Variants in ARHGAP42 observed in about 807,000 individuals in gnomAD.
The protein encoded by ARHGAP42 is rho GTPase-activating protein 42.
A neutral mutation model predicts 125.0 loss-of-function variants in ARHGAP42; 63 were observed. That is an observed-to-expected ratio of 0.50 (90% confidence interval 0.41 to 0.62). The LOEUF is 0.62. Among genes scored for constraint, ARHGAP42 ranks in the 20% least tolerant of loss-of-function variants. The pLI, the probability that ARHGAP42 is intolerant of heterozygous loss-of-function variation, is 0.00. For synonymous variants in ARHGAP42, 339 were observed against 351.0 expected (o/e 0.97, Z 0.38); for missense variants, 766 against 1,024.2 (o/e 0.75, Z 3.44).
At chr11:100,766,222 G>T (rs891147465) in intron 1 of ARHGAP42, among the ~76,000 whole-genome samples, 5 of 149,186 alleles carry the variant, frequency 3.4e-5, no homozygotes, top group Non-Finnish European at 5.9e-5. Flanking sequence ...AAGGATGTGG[G>T]GTGTGTGTGT....
At chr11:100,779,542 A>ATATATACGTATACATACGTATATATACG (rs1554996510) in intron 2 of ARHGAP42, among the ~76,000 whole-genome samples, 1 of 42,302 alleles carries the variant, frequency 2.4e-5, no homozygotes, top group Admixed American at 3.6e-4. Context: ...ATATATACGT[A>ATATATACGTATACATACGTATATATACG]TATATATACA....
chr11:100,958,794 G>A (rs1857877501), intron 12 of ARHGAP42, among the ~76,000 whole-genome samples: 1 of 151,906 alleles, frequency 6.6e-6, no homozygotes, highest in South Asian at 2.1e-4. Flanking sequence ...CTTCATAGTA[G>A]TACCTCTAGT....
chr11:100,714,433 C>T (rs899351649), intron 1 of ARHGAP42, among the ~76,000 whole-genome samples: 5 of 150,590 alleles, frequency 3.3e-5, no homozygotes, highest in African/African-American at 1.2e-4. Context: ...ATTTGAGATA[C>T]TTCAGTGCTG....
rs200483287 is a variant in ARHGAP42, at chr11:100,903,739, T to A, written c.385-9713T>A. 2.5e-4 allele frequency among the ~76,000 whole-genome samples: 27 copies of A among 108,878 alleles called. 1 individual carries two copies. The highest frequency in any genetic ancestry group is 5.7e-4 in the South Asian group (2 of 3,498). 71.4% of individuals were successfully genotyped at this position (108,878 alleles called of 152,430 possible). ...ATATATATATATATATATATATATA[T>A]ATATATATATATATATGTATGTAAA... is the stretch of plus-strand genomic sequence containing the variant. On this transcript the variant is annotated intron_variant, in intron 4 of 23. Coordinates refer to ENST00000298815, the MANE Select transcript of ARHGAP42 (RefSeq NM_152432.4).
intron 1 of ARHGAP42, among the ~76,000 whole-genome samples, chr11:100,693,654 T>C (rs966547271): frequency 5.3e-5 from 8 of 152,158 alleles, no homozygotes; most frequent in Non-Finnish European, 1.0e-4. Context: ...AGAGAATGGG[T>C]TGCTGTCAGA....
At chr11:100,830,856 C>A (rs1174661855) in intron 3 of ARHGAP42, among the ~76,000 whole-genome samples, 1 of 151,942 alleles carries the variant, frequency 6.6e-6, no homozygotes, top group Non-Finnish European at 1.5e-5. Flanking sequence ...TGGTGGGCAC[C>A]ACGGTTACTA....
intron 11 of ARHGAP42, among the ~76,000 whole-genome samples, chr11:100,949,380 A>G (rs1239725714): frequency 6.6e-6 from 1 of 152,110 alleles, no homozygotes; most frequent in Non-Finnish European, 1.5e-5. Flanking sequence ...GGAACTCTGC[A>G]TTGATTTTTT....
At position 100,948,441 on chromosome 11, in the gene ARHGAP42, A is replaced by C; in HGVS notation, c.1044-16A>C. The C allele has an allele frequency of 1.3e-6, 2 of 1,510,660 alleles. No individual in the cohort carries two copies. Among genetic ancestry groups the C allele is most frequent in the Non-Finnish European group, 1.8e-6 (2 of 1,124,766 alleles). The allele number at this position is 1,510,660 out of a possible 1,614,324, so 93.6% of individuals were successfully genotyped here. A position where few individuals can be genotyped will look rare whatever the true frequency, so the allele number is the denominator to read the frequency against. The stretch of plus-strand genomic sequence containing the variant: ...TAGTAAATGTGTAAATATAGAAAAT[A>C]TTTGTTTTTAAATAGGCATGGGATC... On this transcript the variant is annotated splice_polypyrimidine_tract_variant and intron_variant, in intron 10 of 23. Coordinates refer to ENST00000298815, the MANE Select transcript of ARHGAP42 (RefSeq NM_152432.4).
chr11:100,904,799 G>A (rs527861913), intron 4 of ARHGAP42, among the ~76,000 whole-genome samples: 2 of 152,148 alleles, frequency 1.3e-5, no homozygotes, highest in Non-Finnish European at 2.9e-5. Context: ...TGTGACCTTG[G>A]TCAGATTACT....
chr11:100,893,683 G>A (rs1420885733), intron 4 of ARHGAP42, among the ~76,000 whole-genome samples: 1 of 152,082 alleles, frequency 6.6e-6, no homozygotes, highest in Non-Finnish European at 1.5e-5. Flanking sequence ...TGTATTAAGA[G>A]TTGGAAGAAA....
intron 4 of ARHGAP42, among the ~76,000 whole-genome samples, chr11:100,889,107 G>A (rs79884956): frequency 0.019 from 2,923 of 152,244 alleles, 35 homozygotes; most frequent in Non-Finnish European, 0.028. Flanking sequence ...TCAGCGTGTC[G>A]ACAAAATAAG....
chr11:100,939,072 G>A (rs561088091), intron 8 of ARHGAP42, among the ~76,000 whole-genome samples: 1 of 152,288 alleles, frequency 6.6e-6, no homozygotes, highest in Non-Finnish European at 1.5e-5. Context: ...TGGACACAGA[G>A]TTCCACTCTA....
intron 1 of ARHGAP42, among the ~76,000 whole-genome samples, chr11:100,734,910 G>C (rs897941358): frequency 1.3e-5 from 2 of 151,524 alleles, no homozygotes; most frequent in African/African-American, 2.4e-5. Flanking sequence ...AAGTTCGTCA[G>C]TATACAGATG....
At chr11:100,812,998 T>C (rs559903171) in intron 3 of ARHGAP42, among the ~76,000 whole-genome samples, 2 of 152,316 alleles carry the variant, frequency 1.3e-5, no homozygotes, top group African/African-American at 4.8e-5. Flanking sequence ...GTTTTCGTTA[T>C]TTCATTACTT....
chr11:100,965,283 C>T lies in ARHGAP42; in HGVS notation c.1445-388C>T, dbSNP rs924488421. On this transcript the variant is annotated intron_variant, in intron 16 of 23. Coordinates refer to ENST00000298815, the MANE Select transcript of ARHGAP42 (RefSeq NM_152432.4). ...GCCAAACCATATCAATGGGCTAATA[C>T]GTACTCTAATGACTGGCACATTAGG... is the stretch of plus-strand genomic sequence containing the variant. Among the ~76,000 whole-genome samples the T allele has an allele frequency of 7.2e-5, 11 of 152,238 alleles. No individual in the cohort carries two copies. The East Asian group carries it at 1.2e-3, about 16-fold the overall frequency.
At chr11:100,845,708 C>G (rs1865050145) in intron 3 of ARHGAP42, among the ~76,000 whole-genome samples, 2 of 152,160 alleles carry the variant, frequency 1.3e-5, no homozygotes, top group Admixed American at 6.6e-5. Context: ...ATCCACTTCA[C>G]AGCATTACAT....
chr11:100,903,689 T>G, intron 4 of ARHGAP42, among the ~76,000 whole-genome samples: 1 of 123,412 alleles, frequency 8.1e-6, no homozygotes, highest in Non-Finnish European at 1.7e-5. Flanking sequence ...ACAGAATGTA[T>G]ATATATACAT....
intron 3 of ARHGAP42, among the ~76,000 whole-genome samples, chr11:100,858,086 G>GGTGTGTGTGTGTGTGT (rs201861404): frequency 3.2e-3 from 344 of 108,962 alleles, no homozygotes; most frequent in African/African-American, 5.9e-3. Flanking sequence ...TCTGGATAGG[G>GGTGTGTGTGTGTGTGT]GTGTGTGTGT....
chr11:100,727,457 GC>G (rs1474959621), intron 1 of ARHGAP42, among the ~76,000 whole-genome samples: 1 of 152,156 alleles, frequency 6.6e-6, no homozygotes, highest in Non-Finnish European at 1.5e-5. Flanking sequence ...AACTCTTGGT[GC>G]CCTTCTGGAT....
Sources: allele counts gnomAD v4.1 joint callset (sites outside exome capture counted in the v4.1 genomes callset), GRCh38; gene constraint gnomAD v4.1.1; transcripts MANE v1.5; gene names NCBI Gene and HGNC (gene_info 2026-07-23, HGNC 2026-07-21).